ARHGAP44: variants seen among roughly 807,000 people sequenced by gnomAD.
The protein encoded by ARHGAP44 is Rho GTPase activating protein 44.
In ARHGAP44, 43 loss-of-function variants were observed where a neutral mutation model predicts 106.8. That is an observed-to-expected ratio of 0.40 (90% CI 0.32 to 0.52). The LOEUF is 0.52. ARHGAP44 is among the 20% of genes least tolerant of loss of function. The pLI, the probability that ARHGAP44 is intolerant of heterozygous loss-of-function variation, is 0.48. For synonymous variants in ARHGAP44, 439 were observed against 410.3 expected (o/e 1.07, Z -0.85); for missense variants, 866 against 1,050.5 (o/e 0.82, Z 2.43).
intron 3 of ARHGAP44, among the ~76,000 whole-genome samples, chr17:12,907,405 C>A (rs1169470047): frequency 6.6e-6 from 1 of 152,164 alleles, no homozygotes. Flanking sequence ...TATTTACCAC[C>A]ATTATCTAGT....
chr17:12,895,785 A>G lies in ARHGAP44; in HGVS notation c.94-622A>G, dbSNP rs566930312. On this transcript the variant is annotated intron_variant, in intron 2 of 20. Coordinates refer to ENST00000379672, the MANE Select transcript of ARHGAP44 (RefSeq NM_014859.6). ...CCAAAGGATTATAAATCATGCTGCT[A>G]TAAAGACACATGCACACGTATGTTT... Among the ~76,000 whole-genome samples the G allele has an allele frequency of 2.6e-5, 4 of 152,292 alleles. No homozygotes were observed. The South Asian group carries it at 6.2e-4, about 24-fold the overall frequency.
chr17:12,868,732 A>G (rs1433198880), intron 1 of ARHGAP44, among the ~76,000 whole-genome samples: 4 of 149,610 alleles, frequency 2.7e-5, no homozygotes, highest in Admixed American at 6.7e-5. Context: ...ATCTTGGCTC[A>G]CTGCAACCTC....
intron 1 of ARHGAP44, 71 bp from the exon 2 acceptor site, chr17:12,894,869 G>T: frequency 2.2e-6 from 3 of 1,377,882 alleles, no homozygotes; most frequent in South Asian, 1.3e-5. Context: ...CTTAATTGAA[G>T]AGATTAGGGA....
chr17:12,899,591 A>G (rs1028581188), intron 3 of ARHGAP44, among the ~76,000 whole-genome samples: 1 of 151,942 alleles, frequency 6.6e-6, no homozygotes, highest in Admixed American at 6.6e-5. Context: ...AATAAAATGA[A>G]AAGGATCAGG....
intron 1 of ARHGAP44, among the ~76,000 whole-genome samples, chr17:12,802,941 ATATATATATATATATATATATATATATAT>A (rs1222709087): frequency 5.9e-4 from 6 of 10,220 alleles, no homozygotes; most frequent in Admixed American, 2.0e-3. Context: ...ATATATATAT[ATATATATATATATATATATATATATATAT>A]TTTTTTTTTT....
chr17:12,832,090 G>A (rs1171964502), intron 1 of ARHGAP44, among the ~76,000 whole-genome samples: 1 of 152,156 alleles, frequency 6.6e-6, no homozygotes, highest in Non-Finnish European at 1.5e-5. Context: ...CAAGACAGGG[G>A]AACTTCAGTA....
At chr17:12,817,607 G>A (rs780817917) in intron 1 of ARHGAP44, among the ~76,000 whole-genome samples, 6 of 151,898 alleles carry the variant, frequency 4.0e-5, no homozygotes, top group Admixed American at 6.6e-5. Flanking sequence ...TGAAAAGATC[G>A]ATAAAGTTGA....
chr17:12,930,027 C>A, intron 7 of ARHGAP44, among the ~76,000 whole-genome samples: 1 of 152,142 alleles, frequency 6.6e-6, no homozygotes. Flanking sequence ...TTAAAGAATT[C>A]ATTATCTCCC....
rs114629559 is a variant in ARHGAP44 at position 12,894,986 on chromosome 17, C to T, written c.93+7C>T. ...GAGTGAAGACCTTCTTCAGGTAAGG[C>T]GGCCATTGACACTGGCTCACAGATA... On this transcript the variant is annotated splice_region_variant and intron_variant, in intron 2 of 20. Coordinates refer to ENST00000379672, the MANE Select transcript of ARHGAP44 (RefSeq NM_014859.6). The T allele has an allele frequency of 4.2e-3, 6,716 of 1,582,572 alleles. 265 individuals are homozygous for T. The African/African-American group carries it at 0.08, about 19-fold the overall frequency.
chr17:12,816,272 C>T (rs577787798), intron 1 of ARHGAP44, among the ~76,000 whole-genome samples: 69 of 152,208 alleles, frequency 4.5e-4, no homozygotes, highest in Non-Finnish European at 8.5e-4. Flanking sequence ...TTTTATTCAT[C>T]TTGAAGCTAT....
At chr17:12,820,583 G>A (rs1362102062) in intron 1 of ARHGAP44, among the ~76,000 whole-genome samples, 2 of 152,128 alleles carry the variant, frequency 1.3e-5, no homozygotes, top group Admixed American at 1.3e-4. Context: ...GATGGATCTT[G>A]TCCTTGAGGA....
chr17:12,934,346 A>T (rs868198028), intron 7 of ARHGAP44, among the ~76,000 whole-genome samples: 8 of 152,338 alleles, frequency 5.3e-5, no homozygotes, highest in Middle Eastern at 3.4e-3. Context: ...TGTCCTCCCC[A>T]CAATCTGAAG....
At position 12,926,403 on chromosome 17, in the gene ARHGAP44, G is replaced by GTA. The variant is rs902128580; in HGVS notation, c.465-2517_465-2516dup. Among the ~76,000 whole-genome samples, 80 of 142,106 alleles carry GTA rather than the reference G, an allele frequency of 5.6e-4. 1 individual carries two copies. The Middle Eastern group carries it at 0.015, about 27-fold the overall frequency. The allele number at this position is 142,106 out of a possible 152,430, so 93.2% of individuals were successfully genotyped here. On this transcript the variant is annotated intron_variant, in intron 6 of 20. Transcript: ENST00000379672. Reference sequence around the variant, plus strand: ...ATATGTATTATATATAATATATATTGTATATATATAATATATATGTATATA... The same window carrying GTA: ...ATATGTATTATATATAATATATATTGTATATATATATAATATATATGTATATA...
Position 12,905,105 on chromosome 17 carries a change from G to T in ARHGAP44, c.199-3792G>T, listed in dbSNP as rs375760026. Among the ~76,000 whole-genome samples, 3 of 151,102 alleles carry T rather than the reference G, an allele frequency of 2.0e-5. No individual in the cohort carries two copies. The East Asian group carries it at 5.9e-4, about 30-fold the overall frequency. On this transcript the variant is annotated intron_variant, in intron 3 of 20. Transcript: ENST00000379672. ...TTTTTTGTATTTTTAGAAGAGACGGGGTTTCACCATATTGGCCAGGCTGGT... is the reference window on the plus strand; with the variant it reads ...TTTTTTGTATTTTTAGAAGAGACGGTGTTTCACCATATTGGCCAGGCTGGT...
At chr17:12,833,272 A>ATT (rs2035140256) in intron 1 of ARHGAP44, among the ~76,000 whole-genome samples, 4 of 152,160 alleles carry the variant, frequency 2.6e-5, no homozygotes, top group Non-Finnish European at 5.9e-5. Flanking sequence ...TTAGCACTGC[A>ATT]TATGTGTTTC....
intron 1 of ARHGAP44, among the ~76,000 whole-genome samples, chr17:12,808,039 G>A (rs1366310181): frequency 6.6e-6 from 1 of 152,230 alleles, no homozygotes; most frequent in Non-Finnish European, 1.5e-5. Context: ...CTGAAATCCA[G>A]TAGGGCAGTT....
chr17:12,942,347 A>G (rs561861359), intron 8 of ARHGAP44, among the ~76,000 whole-genome samples: 27 of 152,216 alleles, frequency 1.8e-4, no homozygotes, highest in Non-Finnish European at 2.8e-4. Context: ...TGGTTTCACT[A>G]TGTTGGCCAG....
At chr17:12,966,332 G>C (rs2039391043) in intron 16 of ARHGAP44, among the ~76,000 whole-genome samples, 1 of 152,062 alleles carries the variant, frequency 6.6e-6, no homozygotes, top group African/African-American at 2.4e-5. Context: ...GGGATGTTTT[G>C]GTCCAGGCCC....
intron 1 of ARHGAP44, among the ~76,000 whole-genome samples, chr17:12,848,663 C>G (rs2150843224): frequency 6.6e-6 from 1 of 152,254 alleles, no homozygotes; most frequent in South Asian, 2.1e-4. Context: ...GCTTCATCTT[C>G]TTTACTAGAC....
Sources: gnomAD v4.1 joint callset for allele counts (sites outside exome capture counted in the v4.1 genomes callset) on GRCh38, gnomAD v4.1.1 for gene constraint, MANE v1.5 for transcripts, NCBI Gene and HGNC (gene_info 2026-07-23, HGNC 2026-07-21) for gene names.